Variants in RARS1 observed in about 807,000 individuals in gnomAD.
The protein encoded by RARS1 is arginyl-tRNA synthetase 1.
Under a neutral mutation model 78.7 loss-of-function variants are expected in RARS1, and 75 were observed. The ratio of observed to expected loss-of-function variants is 0.95; its 90% CI spans 0.79 to 1.15. The LOEUF (loss-of-function observed/expected upper bound fraction) is 1.15. Among genes scored for constraint, RARS1 ranks in the 50% most tolerant of loss-of-function variants. The pLI is 0.00. For missense variants in RARS1, 787 were observed against 787.5 expected (o/e 1.00, Z 0.01); for synonymous variants, 273 against 268.2 (o/e 1.02, Z -0.18).
Position 168,500,699 on chromosome 5 carries a change from A to T in RARS1, c.931A>T (p.Ile311Phe). The change falls in exon 8 of 15, where the codon ATC becomes TTC. Residue 311 changes from isoleucine to phenylalanine, a missense_variant. Coordinates refer to ENST00000231572, the MANE Select transcript of RARS1 (RefSeq NM_002887.4). ...NPDITKAWKL[I>F]CDVSRQELNK... is the part of the protein sequence containing the mutation. ...AGATATTACAAAAGCTTGGAAGCTTATCTGTGATGTCTCCCGCCAAGGTGA... is the reference window on the plus strand; with the variant it reads ...AGATATTACAAAAGCTTGGAAGCTTTTCTGTGATGTCTCCCGCCAAGGTGA... 1 of 1,611,482 alleles carries T rather than the reference A, an allele frequency of 6.2e-7. No individual in the cohort carries two copies. Among genetic ancestry groups the T allele is most frequent in the Non-Finnish European group, 8.5e-7 (1 of 1,179,304 alleles).
At chr5:168,495,542 A>C (rs1360170749) in intron 6 of RARS1, 106 bp downstream of exon 6, 10 of 1,461,338 alleles carry the variant, frequency 6.8e-6, no homozygotes, top group Non-Finnish European at 9.1e-6. Flanking sequence ...CGACTAAATC[A>C]GTGGTTCATC....
At chr5:168,518,958 C>T in intron 14 of RARS1, 123 bp from the exon 15 acceptor site, 1 of 651,166 alleles carries the variant, frequency 1.5e-6, no homozygotes, top group Non-Finnish European at 2.6e-6. Context: ...TAGTTAAAAC[C>T]CAAAAACATC....
At chr5:168,495,955 C>G (rs1305154289) in intron 6 of RARS1, among the ~76,000 whole-genome samples, 1 of 152,058 alleles carries the variant, frequency 6.6e-6, no homozygotes, top group Non-Finnish European at 1.5e-5. Flanking sequence ...TCTAGGCCAG[C>G]TTGGGCAACA....
chr5:168,501,980 G>A (rs752754476), intron 8 of RARS1, 21 bp from the exon 9 acceptor site: 21 of 1,573,976 alleles, frequency 1.3e-5, no homozygotes, highest in Admixed American at 2.0e-5. Flanking sequence ...TTATTTGGTG[G>A]CATTTTATTT....
chr5:168,500,809 T>C (rs1487419492), intron 8 of RARS1, 89 bp downstream of exon 8: 2 of 1,453,876 alleles, frequency 1.4e-6, no homozygotes, highest in Admixed American at 2.5e-5. Context: ...TTGAGTGATA[T>C]TTTAACCTTC....
chr5:168,517,814 G>T lies in RARS1; in HGVS notation c.1626-1G>T. 6.2e-7 allele frequency: 1 copy of T among 1,601,196 alleles called. No individual in the cohort carries two copies. Among genetic ancestry groups the T allele is most frequent in the South Asian group, 1.1e-5 (1 of 90,054 alleles). On this transcript the variant is annotated splice_acceptor_variant, in intron 13 of 14. Coordinates refer to ENST00000231572, the MANE Select transcript of RARS1 (RefSeq NM_002887.4). LOFTEE classifies it high-confidence loss of function. ...CTGATGATTTTTTTGTTTTTTTTAAGGTCTATTGCACGTCTGGCCAATATT... is the reference window on the plus strand; with the variant it reads ...CTGATGATTTTTTTGTTTTTTTTAATGTCTATTGCACGTCTGGCCAATATT...
At position 168,517,919 on chromosome 5, in the gene RARS1, G is replaced by A. The variant is rs767505963; in HGVS notation, c.1730G>A (p.Cys577Tyr). 1 of 1,613,700 alleles carries A rather than the reference G, an allele frequency of 6.2e-7. No homozygotes were observed. The highest frequency in any genetic ancestry group is 1.3e-5 in the African/African-American group (1 of 74,762). Residue 577 changes from cysteine to tyrosine, a missense_variant, in exon 14 of 15, where the codon TGC becomes TAC. Physicochemically the swap from Cys to Tyr is radical, Grantham distance 194 (BLOSUM62 -2). Coordinates refer to ENST00000231572, the MANE Select transcript of RARS1 (RefSeq NM_002887.4). ...DHEKEWKLGR[C>Y]ILRFPEILQK... ...GAGAAGGAATGGAAACTAGGCCGGT[G>A]CATTTTACGGTTCCCTGAGATTCTG...
At position 168,509,786 on chromosome 5, in the gene RARS1, A is replaced by ATGTT. The variant is rs2152905783; in HGVS notation, c.1347-794_1347-793insGTTT. Among the ~76,000 whole-genome samples, 4 of 152,056 alleles carry ATGTT rather than the reference A, an allele frequency of 2.6e-5. No individual in the cohort carries two copies. In the East Asian group the frequency reaches 7.7e-4, roughly 29 times the overall value. On this transcript the variant is annotated intron_variant, in intron 11 of 14. Transcript: ENST00000231572. ...GGAGTTTGATAGGAGCCTGGGCAAC[A>ATGTT]TAGTGAGAGACACCATCTCTATAAA...
rs116604336 is a variant in RARS1, at chr5:168,494,749, A to G, written c.579+99A>G. The stretch of plus-strand genomic sequence containing the variant: ...ATAGTCTCAGCTACTTGGGAGGCTG[A>G]AGCAGGAGGATTGCTTGAGCCTAGA... On this transcript the variant is annotated intron_variant, in intron 5 of 14. Transcript: ENST00000231572. 2.2e-3 allele frequency: 1,922 copies of G among 857,310 alleles called. 26 individuals carry two copies. In the African/African-American group the frequency reaches 0.028, roughly 12 times the overall value. 53.1% of individuals were successfully genotyped at this position (857,310 alleles called of 1,614,324 possible). A position where few individuals can be genotyped will look rare whatever the true frequency, so the allele number is the denominator to read the frequency against.
At position 168,486,503 on chromosome 5, in the gene RARS1, A is replaced by C. The variant is rs672601372; in HGVS notation, c.5A>C (p.Asp2Ala). 6.4e-7 allele frequency: 1 copy of C among 1,558,900 alleles called. No individual in the cohort carries two copies. The highest frequency in any genetic ancestry group is 2.0e-5 in the Admixed American group (1 of 51,160). The change falls in exon 1 of 15, where the codon GAC becomes GCC. Residue 2 changes from aspartate to alanine, a missense_variant. Physicochemically the swap from Asp to Ala is moderately radical, Grantham distance 126. Coordinates refer to ENST00000231572, the MANE Select transcript of RARS1 (RefSeq NM_002887.4). ...GAGTGAGACGCTGATGGGAGGATGG[A>C]CGTACTGGTGTCTGAGTGCTCCGCG... M[D>A]VLVSECSARL...
chr5:168,510,743 G>A (rs1364216420), intron 12 of RARS1, 57 bp downstream of exon 12: 2 of 1,351,260 alleles, frequency 1.5e-6, no homozygotes, highest in Non-Finnish European at 2.0e-6. Flanking sequence ...TTTCATTTTT[G>A]TTTTTATTGA....
intron 9 of RARS1, among the ~76,000 whole-genome samples, chr5:168,503,326 C>G (rs1020149940): frequency 2.0e-5 from 3 of 152,174 alleles, no homozygotes; most frequent in African/African-American, 7.2e-5. Context: ...TTGGGATTCT[C>G]TTATGCTGAA....
chr5:168,510,142 T>C (rs1189331593), intron 11 of RARS1, among the ~76,000 whole-genome samples: 1 of 152,260 alleles, frequency 6.6e-6, no homozygotes, highest in Non-Finnish European at 1.5e-5. Flanking sequence ...TTACTGACTT[T>C]CTCAACAATT....
chr5:168,497,716 G>C (rs1758228059), intron 7 of RARS1, among the ~76,000 whole-genome samples: 1 of 151,940 alleles, frequency 6.6e-6, no homozygotes, highest in Non-Finnish European at 1.5e-5. Context: ...CTTTCGTTTA[G>C]TTTACCTATC....
At chr5:168,504,454 T>C (rs1412225060) in intron 9 of RARS1, among the ~76,000 whole-genome samples, 15 of 114,784 alleles carry the variant, frequency 1.3e-4, no homozygotes, top group African/African-American at 2.7e-4. Context: ...ACCCGGGAGG[T>C]GGAGATTGCA....
At chr5:168,501,953 A>G (rs1272597897) in intron 8 of RARS1, 48 bp from the exon 9 acceptor site, 1 of 1,556,850 alleles carries the variant, frequency 6.4e-7, no homozygotes, top group African/African-American at 1.4e-5. Flanking sequence ...CCTGTTTTTA[A>G]AAAATTCTTA....
At chr5:168,498,276 A>G (rs1355702365) in intron 7 of RARS1, among the ~76,000 whole-genome samples, 1 of 152,098 alleles carries the variant, frequency 6.6e-6, no homozygotes, top group Non-Finnish European at 1.5e-5. Flanking sequence ...AATGAATTAT[A>G]CCACATTGAA....
At position 168,518,931 on chromosome 5, in the gene RARS1, T is replaced by TA. The variant is rs553031826; in HGVS notation, c.1874-148dup. ...TTTTAAATTGTTTGTCTTCATAGTT[T>TA]AAGGTAAAGAAGATTCTAGTTAAAA... On this transcript the variant is annotated intron_variant, in intron 14 of 14. Transcript: ENST00000231572. 6.2e-4 allele frequency: 355 copies of TA among 568,368 alleles called. 4 individuals are homozygous for TA. In the South Asian group the frequency reaches 6.7e-3, roughly 11 times the overall value. The allele number at this position is 568,368 out of a possible 1,614,324, so 35.2% of individuals were successfully genotyped here. A position where few individuals can be genotyped will look rare whatever the true frequency, so the allele number is the denominator to read the frequency against.
Position 168,488,384 on chromosome 5 carries a change from T to C in RARS1, c.46-218T>C, listed in dbSNP as rs904543964. On this transcript the variant is annotated intron_variant, in intron 1 of 14. Transcript: ENST00000231572. ...CTCAAGTCATCCACCTGCCTAGGCC[T>C]CCCAAAGTGCTGGGATTACAGGCGT... 5 of 484,444 alleles carry C rather than the reference T, an allele frequency of 1.0e-5. No homozygotes were observed. The Admixed American group carries it at 1.9e-4, about 18-fold the overall frequency. 30.0% of individuals were successfully genotyped at this position (484,444 alleles called of 1,614,324 possible).
Sources: allele counts gnomAD v4.1 joint callset (sites outside exome capture counted in the v4.1 genomes callset), GRCh38; gene constraint gnomAD v4.1.1; transcripts MANE v1.5; gene names NCBI Gene and HGNC (gene_info 2026-07-23, HGNC 2026-07-21).